CACHD1: variants seen among roughly 807,000 people sequenced by gnomAD.
CACHD1 encodes cache domain containing 1.
Under a neutral mutation model 138.7 loss-of-function variants are expected in CACHD1, and 71 were observed. That is an observed-to-expected ratio of 0.51 (90% CI 0.42 to 0.62). The LOEUF (loss-of-function observed/expected upper bound fraction) is 0.62. Among genes scored for constraint, CACHD1 ranks in the 20% least tolerant of loss-of-function variants. The pLI is 0.00. For missense variants in CACHD1, 1,389 were observed against 1,625.3 expected, an observed-to-expected ratio of 0.85 and a Z score of 2.50; for synonymous variants, 578 against 591.5, an observed-to-expected ratio of 0.98 and a Z score of 0.33.
At chr1:64,552,435 C>T (rs1046230342) in intron 2 of CACHD1, among the ~76,000 whole-genome samples, 1 of 150,660 alleles carries the variant, frequency 6.6e-6, no homozygotes, top group Non-Finnish European at 1.5e-5. Flanking sequence ...ATAAATATGA[C>T]AGAAAGTTTT....
At chr1:64,579,015 G>T (rs1469639588) in intron 2 of CACHD1, among the ~76,000 whole-genome samples, 6 of 152,118 alleles carry the variant, frequency 3.9e-5, no homozygotes, top group Non-Finnish European at 8.8e-5. Flanking sequence ...ACCACACTGG[G>T]ATTATGTTTC....
chr1:64,605,302 G>T (rs1215308793), intron 4 of CACHD1, among the ~76,000 whole-genome samples: 1 of 152,064 alleles, frequency 6.6e-6, no homozygotes, highest in Non-Finnish European at 1.5e-5. Context: ...CAATAATTAA[G>T]TTTTAAATAT....
intron 1 of CACHD1, among the ~76,000 whole-genome samples, chr1:64,530,960 G>C (rs1237838438): frequency 7.8e-6 from 1 of 129,000 alleles, no homozygotes; most frequent in Non-Finnish European, 1.6e-5. Context: ...AAGGAAGAAT[G>C]AATTCTCACA....
chr1:64,660,602 C>T (rs1290856042), intron 13 of CACHD1, among the ~76,000 whole-genome samples: 1 of 151,800 alleles, frequency 6.6e-6, no homozygotes, highest in Non-Finnish European at 1.5e-5. Flanking sequence ...ACGATCTTGG[C>T]TCACTGCCAC....
chr1:64,680,655 C>T (rs906087484), intron 24 of CACHD1, among the ~76,000 whole-genome samples: 5 of 152,122 alleles, frequency 3.3e-5, no homozygotes, highest in East Asian at 1.9e-4. Context: ...CCCCAGTCCC[C>T]GGGGATGTGT....
At chr1:64,559,831 TATAG>T (rs1484006493) in intron 2 of CACHD1, among the ~76,000 whole-genome samples, 2 of 152,180 alleles carry the variant, frequency 1.3e-5, no homozygotes, top group African/African-American at 4.8e-5. Context: ...CTTTAATAGA[TATAG>T]ATAGAGTTTC....
intron 4 of CACHD1, among the ~76,000 whole-genome samples, chr1:64,615,108 T>A (rs1286978260): frequency 6.6e-6 from 1 of 152,174 alleles, no homozygotes; most frequent in African/African-American, 2.4e-5. Flanking sequence ...CTCCGTACTT[T>A]TGATCACATT....
At chr1:64,544,398 T>C (rs978223154) in intron 1 of CACHD1, among the ~76,000 whole-genome samples, 17 of 152,184 alleles carry the variant, frequency 1.1e-4, no homozygotes, top group African/African-American at 4.1e-4. Flanking sequence ...ACTGACCATC[T>C]TATTAAACAC....
intron 1 of CACHD1, among the ~76,000 whole-genome samples, chr1:64,487,929 T>C (rs1341290626): frequency 1.3e-5 from 2 of 152,228 alleles, no homozygotes; most frequent in Non-Finnish European, 2.9e-5. Flanking sequence ...CTTCAAAATA[T>C]AATATGTTTT....
chr1:64,656,248 G>A (rs1649258036), intron 12 of CACHD1, among the ~76,000 whole-genome samples: 1 of 152,168 alleles, frequency 6.6e-6, no homozygotes, highest in Non-Finnish European at 1.5e-5. Flanking sequence ...TAATTCTACT[G>A]GTAGTTTGTT....
intron 8 of CACHD1, among the ~76,000 whole-genome samples, chr1:64,644,744 C>A (rs1648847718): frequency 6.6e-6 from 1 of 152,168 alleles, no homozygotes; most frequent in Non-Finnish European, 1.5e-5. Flanking sequence ...ACCTTACTTA[C>A]AAATAGGGAA....
chr1:64,519,842 T>TCCTA lies in CACHD1; in HGVS notation c.199-30752_199-30751insCCTA, dbSNP rs150070587. Among the ~76,000 whole-genome samples, 1,378 of 149,482 alleles carry TCCTA rather than the reference T, an allele frequency of 9.2e-3. 25 individuals carry two copies. The highest frequency in any genetic ancestry group is 0.032 in the African/African-American group (1,315 of 41,180). ...TACACAACTCCTAGGTGCTTTTTTC[T>TCCTA]GGTGAATTTTGATAGCTGCCAGATT... is the stretch of plus-strand genomic sequence containing the variant. On this transcript the variant is annotated intron_variant, in intron 1 of 26. Transcript: ENST00000651257.
At chr1:64,580,491 G>C (rs528122424) in intron 2 of CACHD1, among the ~76,000 whole-genome samples, 14 of 152,202 alleles carry the variant, frequency 9.2e-5, no homozygotes, top group African/African-American at 3.4e-4. Flanking sequence ...TCATACCCAA[G>C]AATAGCCCTT....
intron 13 of CACHD1, among the ~76,000 whole-genome samples, chr1:64,662,936 A>G (rs1236058541): frequency 6.6e-6 from 1 of 152,222 alleles, no homozygotes; most frequent in Non-Finnish European, 1.5e-5. Flanking sequence ...ACTAATATGA[A>G]TAATAGTTAA....
intron 2 of CACHD1, among the ~76,000 whole-genome samples, chr1:64,555,439 A>G (rs1646790255): frequency 6.6e-6 from 1 of 151,978 alleles, no homozygotes; most frequent in South Asian, 2.1e-4. Flanking sequence ...GTTTGTTTTG[A>G]GATGGAGTCT....
chr1:64,665,411 G>A (rs536163513), intron 15 of CACHD1, among the ~76,000 whole-genome samples: 1 of 152,118 alleles, frequency 6.6e-6, no homozygotes, highest in South Asian at 2.1e-4. Context: ...AGTGAGCCAA[G>A]ATCACACCAC....
At position 64,676,970 on chromosome 1, in the gene CACHD1, C is replaced by G. The variant is rs1650013769; in HGVS notation, c.3051C>G (p.His1017Gln). ...AIDPGLQDAL[H>Q]QCVNSRCSQR... Reference sequence around the variant, plus strand: ...ACCCTGGCCTGCAAGATGCTCTTCACCAGTGTGTCAACAGCAGGTGCAGTC... The same window carrying G: ...ACCCTGGCCTGCAAGATGCTCTTCAGCAGTGTGTCAACAGCAGGTGCAGTC... Residue 1017 changes from histidine (H) to glutamine (Q), a missense_variant, in exon 22 of 27, where the codon CAC (histidine) becomes CAG (glutamine). Physicochemically the swap from His to Gln is conservative, Grantham distance 24. Coordinates refer to ENST00000651257, the MANE Select transcript of CACHD1 (RefSeq NM_020925.4). 2 of 1,613,806 alleles carry G rather than the reference C, an allele frequency of 1.2e-6. No homozygotes were observed. The highest frequency in any genetic ancestry group is 1.7e-6 in the Non-Finnish European group (2 of 1,179,908).
chr1:64,485,515 T>G (rs1646236898), intron 1 of CACHD1, among the ~76,000 whole-genome samples: 1 of 152,186 alleles, frequency 6.6e-6, no homozygotes, highest in South Asian at 2.1e-4. Context: ...ACCATTCTGT[T>G]GTACAGATAT....
At chr1:64,534,030 G>C (rs915248247) in intron 1 of CACHD1, among the ~76,000 whole-genome samples, 1 of 149,164 alleles carries the variant, frequency 6.7e-6, no homozygotes, top group African/African-American at 2.5e-5. Flanking sequence ...TGAGATTACA[G>C]TCGTGAGCCC....
Sources: gnomAD v4.1 joint callset for allele counts (sites outside exome capture counted in the v4.1 genomes callset) on GRCh38, gnomAD v4.1.1 for gene constraint, MANE v1.5 for transcripts, NCBI Gene and HGNC (gene_info 2026-07-23, HGNC 2026-07-21) for gene names.